The following PHF10 variants were observed in gnomAD, a reference collection of about 807,000 sequenced individuals.
PHF10 encodes the protein PHD finger protein 10.
A neutral mutation model predicts 68.5 loss-of-function variants in PHF10; 51 were observed. The ratio of observed to expected loss-of-function variants is 0.74; its 90% CI spans 0.59 to 0.94. PHF10 has a LOEUF of 0.94. Among genes scored for constraint, PHF10 ranks in the 40% least tolerant of loss-of-function variants. PHF10 has a pLI of 0.00. For missense variants in PHF10, 460 were observed against 602.6 expected, an observed-to-expected ratio of 0.76 and a Z score of 2.48; for synonymous variants, 204 against 203.5, an observed-to-expected ratio of 1.00 and a Z score of -0.02.
At chr6:169,721,527 G>A (rs1461795476) in intron 1 of PHF10, among the ~76,000 whole-genome samples, 1 of 152,148 alleles carries the variant, frequency 6.6e-6, no homozygotes, top group Non-Finnish European at 1.5e-5. Context: ...CCTGTGAAAA[G>A]GGGACATATG....
intron 2 of PHF10, 146 bp from the exon 3 acceptor site, chr6:169,719,064 A>G: frequency 3.5e-6 from 2 of 570,896 alleles, no homozygotes; most frequent in African/African-American, 1.9e-5. Context: ...AGAAAATTAC[A>G]AAACAGGTAC....
intron 6 of PHF10, 88 bp from the exon 7 acceptor site, chr6:169,714,930 G>A (rs1389675960): frequency 4.0e-5 from 30 of 748,960 alleles, no homozygotes; most frequent in Admixed American, 1.5e-4. Context: ...ACCACTGCAC[G>A]CCCACTTCCC....
chr6:169,723,975 C>T lies in PHF10; in HGVS notation c.-44G>A, dbSNP rs1789256377. On this transcript the variant is annotated 5_prime_UTR_variant, in exon 1 of 12. Transcript: ENST00000339209. ...CCGCCGCCGCCGCCGTCGCCTCCGC[C>T]TTGTCCCGGCCGCCGCCGCCGCTGC... 3.3e-6 allele frequency: 2 copies of T among 609,038 alleles called. No homozygotes were observed. The highest frequency in any genetic ancestry group is 2.0e-5 in the African/African-American group (1 of 49,212). The allele number at this position is 609,038 out of a possible 1,614,324, so 37.7% of individuals were successfully genotyped here. A position where few individuals can be genotyped will look rare whatever the true frequency, so the allele number is the denominator to read the frequency against.
At chr6:169,704,967 G>A (rs555014531) in intron 11 of PHF10, 166 bp downstream of exon 11, 2 of 474,816 alleles carry the variant, frequency 4.2e-6, no homozygotes, top group African/African-American at 2.0e-5. Context: ...GAATTGTCTA[G>A]GGATGAAAAG....
intron 2 of PHF10, among the ~76,000 whole-genome samples, chr6:169,720,620 G>C (rs1268946006): frequency 6.6e-6 from 1 of 152,140 alleles, no homozygotes; most frequent in Non-Finnish European, 1.5e-5. Context: ...GAAATAGAAA[G>C]TAGAATGATG....
Position 169,721,023 on chromosome 6 carries a change from G to A in PHF10, c.176C>T (p.Thr59Ile). 1.3e-6 allele frequency: 2 copies of A among 1,541,424 alleles called. No homozygotes were observed. Among genetic ancestry groups the A allele is most frequent in the Non-Finnish European group, 1.8e-6 (2 of 1,139,844 alleles). Residue 59 changes from threonine to isoleucine, a missense_variant, in exon 2 of 12, where the codon ACT becomes ATT. By Grantham distance (89) the Thr-to-Ile change is moderately conservative. Transcript: ENST00000339209. ...ACAGTACCCAAGATCTTGACTTGAAGTTTCACAACTCCTAGAACTATCTCC... is the reference window on the plus strand; with the variant it reads ...ACAGTACCCAAGATCTTGACTTGAAATTTCACAACTCCTAGAACTATCTCC... ...GSGDSSRSCE[T>I]SSQDLGFSYY...
intron 9 of PHF10, among the ~76,000 whole-genome samples, chr6:169,706,105 T>C (rs1298422684): frequency 1.3e-5 from 2 of 152,192 alleles, no homozygotes; most frequent in Non-Finnish European, 2.9e-5. Flanking sequence ...AAAAAGACCA[T>C]TTTAAATAGC....
At chr6:169,715,295 TA>T (rs1289756749) in intron 6 of PHF10, among the ~76,000 whole-genome samples, 1 of 152,222 alleles carries the variant, frequency 6.6e-6, no homozygotes, top group Non-Finnish European at 1.5e-5. Context: ...CAAAAAAATG[TA>T]AATTGAGTAT....
chr6:169,712,995 G>A (rs1788960705), intron 7 of PHF10, among the ~76,000 whole-genome samples: 1 of 152,098 alleles, frequency 6.6e-6, no homozygotes, highest in South Asian at 2.1e-4. Flanking sequence ...CCAGTGCATG[G>A]TACATGATAT....
At chr6:169,714,634 GAT>G (rs1491505269) in intron 7 of PHF10, 97 bp downstream of exon 7, 4 of 716,202 alleles carry the variant, frequency 5.6e-6, no homozygotes, top group Non-Finnish European at 1.0e-5. Flanking sequence ...ATCTTACGGT[GAT>G]ATCTATAGAC....
rs376447866 is a variant in PHF10 at position 169,704,062 on chromosome 6, G to A, written c.1438C>T (p.Arg480Trp). The A allele has an allele frequency of 2.8e-5, 45 of 1,580,302 alleles. No individual in the cohort carries two copies. The highest frequency in any genetic ancestry group is 4.8e-5 in the South Asian group (4 of 83,862). ...SGRWICDCCQ[R>W]APPTPRKVGR... ...ACTTTCCTGGGTGTTGGGGGGGCCC[G>A]CTGACAACAGTCACAAATCCAGCGA... Residue 480 changes from arginine to tryptophan, a missense_variant, in exon 12 of 12, where the codon CGG becomes TGG. Around this residue, in one of 3 missense-constraint regions of PHF10, gnomAD observed 111 missense variants for 109.7 expected, o/e 1.01. Transcript: ENST00000339209.
At chr6:169,720,290 A>G (rs1489933663) in intron 2 of PHF10, among the ~76,000 whole-genome samples, 1 of 152,186 alleles carries the variant, frequency 6.6e-6, no homozygotes, top group Non-Finnish European at 1.5e-5. Flanking sequence ...ATTACCATAT[A>G]ATCCAGCTAC....
intron 1 of PHF10, among the ~76,000 whole-genome samples, 191 bp downstream of exon 1, chr6:169,723,654 T>C (rs1368240629): frequency 1.3e-5 from 2 of 150,836 alleles, no homozygotes; most frequent in Admixed American, 1.3e-4. Context: ...CCGCCCGCAC[T>C]TGTTGCTCGC....
intron 11 of PHF10, chr6:169,704,370 A>T: frequency 2.7e-6 from 1 of 374,162 alleles, no homozygotes; most frequent in East Asian, 4.4e-5. Context: ...TGAAATTCAA[A>T]CACTATCATA....
intron 2 of PHF10, among the ~76,000 whole-genome samples, chr6:169,720,197 T>C (rs938497474): frequency 6.6e-6 from 1 of 152,136 alleles, no homozygotes; most frequent in Admixed American, 6.6e-5. Context: ...AACTGGAAAC[T>C]GTGAATTGCT....
intron 11 of PHF10, 75 bp from the exon 12 acceptor site, chr6:169,704,163 C>T: frequency 1.9e-6 from 2 of 1,066,752 alleles, no homozygotes; most frequent in South Asian, 3.5e-5. Flanking sequence ...CTAAACTCTT[C>T]TGCCTTAGCT....
chr6:169,718,970 A>G, intron 2 of PHF10, 52 bp from the exon 3 acceptor site: 3 of 1,224,998 alleles, frequency 2.4e-6, no homozygotes, highest in Non-Finnish European at 3.5e-6. Context: ...ATTAATTTTT[A>G]ATCACTTTTA....
chr6:169,708,269 A>T (rs1314120747), intron 9 of PHF10: 1 of 152,208 alleles, frequency 6.6e-6, no homozygotes, highest in Non-Finnish European at 1.5e-5. Flanking sequence ...TAATTATTGT[A>T]TTTATAGGCC....
At chr6:169,715,185 T>A (rs1343625928) in intron 6 of PHF10, among the ~76,000 whole-genome samples, 4 of 152,042 alleles carry the variant, frequency 2.6e-5, no homozygotes, top group Non-Finnish European at 5.9e-5. Context: ...AGAATTAACA[T>A]GCAAATCTCT....
Sources: gnomAD v4.1 joint callset for allele counts (sites outside exome capture counted in the v4.1 genomes callset) on GRCh38, gnomAD v4.1.1 for gene constraint, gnomAD v4.1.1 regional missense constraint, MANE v1.5 for transcripts, NCBI Gene and HGNC (gene_info 2026-07-23, HGNC 2026-07-21) for gene names.